The following RAD51C variants were observed in gnomAD, a reference collection of about 807,000 sequenced individuals.
The protein encoded by RAD51C is RAD51 paralog C.
In RAD51C, 42 loss-of-function variants were observed where a neutral mutation model predicts 45.0. The ratio of observed to expected loss-of-function variants is 0.93; its 90% CI spans 0.73 to 1.21. The LOEUF (loss-of-function observed/expected upper bound fraction) is 1.21. Ranked by LOEUF, RAD51C falls within the 50% of genes most tolerant of loss-of-function variation. The probability of loss-of-function intolerance (pLI) is 0.00; values close to 1 mark genes in which losing one functional copy is unlikely to be tolerated. For missense variants in RAD51C, 474 were observed against 452.2 expected (o/e 1.05, Z -0.44); for synonymous variants, 172 against 159.8 (o/e 1.08, Z -0.58).
chr17:58,720,732 T>C lies in RAD51C; in HGVS notation c.838-14T>C, dbSNP rs963950694. 6.3e-7 allele frequency: 1 copy of C among 1,597,206 alleles called. No homozygotes were observed. The highest frequency in any genetic ancestry group is 8.6e-7 in the Non-Finnish European group (1 of 1,165,210). On this transcript the variant is annotated splice_polypyrimidine_tract_variant and intron_variant, in intron 5 of 8. Transcript: ENST00000337432. ...AAGAGACTCACCTAATTTTCTTACATTTTGTTTTTGTAGGTAATTTTAACC... is the reference window on the plus strand; with the variant it reads ...AAGAGACTCACCTAATTTTCTTACACTTTGTTTTTGTAGGTAATTTTAACC...
chr17:58,723,379 G>A (rs2143952261), intron 6 of RAD51C, among the ~76,000 whole-genome samples: 1 of 151,270 alleles, frequency 6.6e-6, no homozygotes, highest in African/African-American at 2.4e-5. Context: ...ATATTTAGAA[G>A]AACAATAATA....
At chr17:58,693,613 C>T (rs990477569) in intron 1 of RAD51C, 1 of 152,090 alleles carries the variant, frequency 6.6e-6, no homozygotes, top group Non-Finnish European at 1.5e-5. Flanking sequence ...TTGATGGGCT[C>T]TTTTTTCTTC....
chr17:58,729,064 CTA>C (rs2049292770), intron 7 of RAD51C, among the ~76,000 whole-genome samples: 1 of 152,184 alleles, frequency 6.6e-6, no homozygotes, highest in Non-Finnish European at 1.5e-5. Context: ...CTGACCCAAA[CTA>C]TGTAGTTCAG....
chr17:58,717,910 A>G (rs2048794019), intron 5 of RAD51C, among the ~76,000 whole-genome samples: 1 of 152,218 alleles, frequency 6.6e-6, no homozygotes, highest in Admixed American at 6.6e-5. Flanking sequence ...GATGGATCAC[A>G]GATTTCTCCT....
At chr17:58,709,831 A>G in intron 4 of RAD51C, 28 bp from the exon 5 acceptor site, 3 of 1,583,756 alleles carry the variant, frequency 1.9e-6, no homozygotes. Context: ...TTTCGTAACA[A>G]ATCTAATATT....
chr17:58,709,321 C>A (rs1280952606), intron 4 of RAD51C, among the ~76,000 whole-genome samples: 1 of 151,976 alleles, frequency 6.6e-6, no homozygotes, highest in East Asian at 1.9e-4. Context: ...TCGTGATCCA[C>A]CTGCCTCGGC....
At chr17:58,720,655 T>G in intron 5 of RAD51C, 91 bp from the exon 6 acceptor site, 1 of 942,990 alleles carries the variant, frequency 1.1e-6, no homozygotes, top group South Asian at 1.4e-5. Context: ...GTATTTTTAG[T>G]AGAGATGGGG....
chr17:58,703,304 C>T lies in RAD51C; in HGVS notation c.680C>T (p.Pro227Leu), dbSNP rs1374461662. 5 of 1,611,846 alleles carry T rather than the reference C, an allele frequency of 3.1e-6. No individual in the cohort carries two copies. The highest frequency in any genetic ancestry group is 1.3e-5 in the African/African-American group (1 of 74,858). Residue 227 changes from proline to leucine, a missense_variant, in exon 4 of 9, where the codon CCA becomes CTA. Transcript: ENST00000337432. ...TELLAQVYLLPDFLSEHSKVR... is the reference protein window; with the variant it reads ...TELLAQVYLLLDFLSEHSKVR... ...TTACTGGCACAAGTTTATCTTCTTC[C>T]AGATTTCCTTTCAGAACACTCAAAG...
intron 1 of RAD51C, chr17:58,694,243 A>G (rs766016593): frequency 5.8e-4 from 88 of 152,428 alleles, no homozygotes; most frequent in African/African-American, 2.0e-3. Flanking sequence ...TAGGCAGTTA[A>G]AACATCTATT....
chr17:58,696,958 G>C, intron 3 of RAD51C, 99 bp downstream of exon 3: 1 of 1,351,578 alleles, frequency 7.4e-7, no homozygotes, highest in African/African-American at 1.4e-5. Context: ...GGAATGTGAA[G>C]CCTAATTACT....
At chr17:58,730,331 ATT>A (rs374899142) in intron 7 of RAD51C, among the ~76,000 whole-genome samples, 33 of 135,014 alleles carry the variant, frequency 2.4e-4, no homozygotes, top group African/African-American at 6.6e-4. Context: ...CGCCCAGCTA[ATT>A]TTTTTTTTTT....
intron 5 of RAD51C, among the ~76,000 whole-genome samples, chr17:58,712,615 T>G (rs1336446049): frequency 1.5e-5 from 2 of 136,550 alleles, no homozygotes; most frequent in African/African-American, 5.5e-5. Flanking sequence ...GGTCAGGAGA[T>G]CGAGACCATC....
In RAD51C at chr17:58,696,836, T is replaced by C. The variant is rs756727559; in HGVS notation, c.548T>C (p.Ile183Thr). 1.7e-5 allele frequency: 28 copies of C among 1,614,202 alleles called. No homozygotes were observed. The highest frequency in any genetic ancestry group is 2.3e-5 in the Non-Finnish European group (27 of 1,180,014). The stretch of plus-strand genomic sequence containing the variant: ...GCCTGCATTCAGCACCTTCAGCTTA[T>C]AGCAGAAAAACACAAGGGAGAGGGT... Reference protein sequence around the residue: ...ATACIQHLQLIAEKHKGEEHR... With the variant: ...ATACIQHLQLTAEKHKGEEHR... Residue 183 changes from isoleucine to threonine, a missense_variant, in exon 3 of 9, where the codon ATA (isoleucine) becomes ACA (threonine). Physicochemically the swap from Ile to Thr is moderately conservative, Grantham distance 89 (BLOSUM62 -1). Transcript: ENST00000337432.
intron 4 of RAD51C, among the ~76,000 whole-genome samples, chr17:58,703,873 A>C (rs1306747812): frequency 7.2e-6 from 1 of 139,556 alleles, no homozygotes; most frequent in Admixed American, 7.4e-5. Flanking sequence ...CTGAGGTGGG[A>C]GGATTGCTTG....
At chr17:58,723,032 C>G (rs894977322) in intron 6 of RAD51C, among the ~76,000 whole-genome samples, 1 of 152,118 alleles carries the variant, frequency 6.6e-6, no homozygotes, top group Non-Finnish European at 1.5e-5. Context: ...AATTGTTAAC[C>G]ATGAAGATTT....
chr17:58,726,314 AC>A (rs2049121481), intron 7 of RAD51C, among the ~76,000 whole-genome samples: 2 of 150,822 alleles, frequency 1.3e-5, no homozygotes, highest in Admixed American at 1.3e-4. Flanking sequence ...AATAATAGCT[AC>A]TATTTATTGA....
At position 58,696,790 on chromosome 17, in the gene RAD51C, A is replaced by G. The variant is rs587781490; in HGVS notation, c.502A>G (p.Arg168Gly). 3 of 1,614,210 alleles carry G rather than the reference A, an allele frequency of 1.9e-6. No individual in the cohort carries two copies. The highest frequency in any genetic ancestry group is 1.7e-5 in the Admixed American group (1 of 60,018). ...TACAGAGGGAAGTTTTATGGTTGATAGAGTGGTAGACCTTGCTACTGCCTG... is the reference window on the plus strand; with the variant it reads ...TACAGAGGGAAGTTTTATGGTTGATGGAGTGGTAGACCTTGCTACTGCCTG... ...IDTEGSFMVDRVVDLATACIQ... is the reference protein window; with the variant it reads ...IDTEGSFMVDGVVDLATACIQ... The change falls in exon 3 of 9, where the codon AGA becomes GGA. Residue 168 changes from arginine (R) to glycine (G), a missense_variant. By Grantham distance (125) the Arg-to-Gly change is moderately radical. Transcript: ENST00000337432.
intron 1 of RAD51C, chr17:58,693,403 C>T (rs1477375846): frequency 1.3e-5 from 2 of 156,952 alleles, no homozygotes; most frequent in Admixed American, 6.1e-5. Context: ...ATGAGGCTGG[C>T]GGTGGTCACT....
At chr17:58,714,509 A>C (rs1406419348) in intron 5 of RAD51C, among the ~76,000 whole-genome samples, 1 of 152,080 alleles carries the variant, frequency 6.6e-6, no homozygotes, top group Admixed American at 6.6e-5. Flanking sequence ...CCCAGGTTGG[A>C]GTGCCATGGC....
Sources: gnomAD v4.1 joint callset for allele counts (sites outside exome capture counted in the v4.1 genomes callset) on GRCh38, gnomAD v4.1.1 for gene constraint, MANE v1.5 for transcripts, NCBI Gene and HGNC (gene_info 2026-07-23, HGNC 2026-07-21) for gene names.